The following PRR11 variants were observed in gnomAD, a reference collection of about 807,000 sequenced individuals.
PRR11 encodes proline rich 11.
A neutral mutation model predicts 45.6 loss-of-function variants in PRR11; 30 were observed. The ratio of observed to expected loss-of-function variants is 0.66; its 90% CI spans 0.49 to 0.89. PRR11 has a LOEUF of 0.89. Among genes scored for constraint, PRR11 ranks in the 40% least tolerant of loss-of-function variants. The pLI, the probability that PRR11 is intolerant of heterozygous loss-of-function variation, is 0.00. For synonymous variants in PRR11, 128 were observed against 153.5 expected, an observed-to-expected ratio of 0.83 and a Z score of 1.23; for missense variants, 373 against 424.8, an observed-to-expected ratio of 0.88 and a Z score of 1.07.
Position 59,195,382 on chromosome 17 carries a change from C to A in PRR11, c.796C>A (p.Gln266Lys). The A allele has an allele frequency of 6.2e-7, 1 of 1,614,002 alleles. No homozygotes were observed. Among genetic ancestry groups the A allele is most frequent in the South Asian group, 1.1e-5 (1 of 91,082 alleles). The change falls in exon 7 of 10, where the codon CAG becomes AAG. Residue 266 changes from glutamine to lysine, a missense_variant. Coordinates refer to ENST00000262293, the MANE Select transcript of PRR11 (RefSeq NM_018304.4). ...RNPLVTVSDLQHVTLKPNSKV... is the reference protein window; with the variant it reads ...RNPLVTVSDLKHVTLKPNSKV... Reference sequence around the variant, plus strand: ...TCCACTAGTTACCGTCTCTGACTTGCAGCATGTTACCCTGAAACCTAACTC... The same window carrying A: ...TCCACTAGTTACCGTCTCTGACTTGAAGCATGTTACCCTGAAACCTAACTC...
intron 2 of PRR11, among the ~76,000 whole-genome samples, chr17:59,173,638 C>T (rs2046724747): frequency 6.6e-6 from 1 of 152,238 alleles, no homozygotes; most frequent in South Asian, 2.1e-4. Flanking sequence ...TCAGAAGGAA[C>T]AAACTCCGGA....
intron 2 of PRR11, chr17:59,178,565 C>G: frequency 1.9e-6 from 1 of 526,246 alleles, no homozygotes; most frequent in African/African-American, 1.9e-5. Context: ...GCTTGAAAAG[C>G]AGGACAGGGT....
chr17:59,200,868 T>C (rs184649499), intron 9 of PRR11, among the ~76,000 whole-genome samples: 2 of 150,978 alleles, frequency 1.3e-5, no homozygotes, highest in African/African-American at 4.9e-5. Context: ...CAAGTGATCC[T>C]CTTGTCTCGG....
At chr17:59,166,093 T>C (rs1169688549) in intron 1 of PRR11, among the ~76,000 whole-genome samples, 3 of 152,210 alleles carry the variant, frequency 2.0e-5, no homozygotes, top group Admixed American at 6.5e-5. Context: ...CTGCAAATCA[T>C]GGAACCAAGC....
At chr17:59,171,920 AG>A in intron 2 of PRR11, among the ~76,000 whole-genome samples, 1 of 152,264 alleles carries the variant, frequency 6.6e-6, no homozygotes, top group South Asian at 2.1e-4. Flanking sequence ...TAGGATAAAA[AG>A]GATTCTCTGT....
At chr17:59,198,708 G>A (rs1348388746) in intron 9 of PRR11, among the ~76,000 whole-genome samples, 2 of 150,780 alleles carry the variant, frequency 1.3e-5, no homozygotes, top group Non-Finnish European at 3.0e-5. Context: ...ATGGTGACTC[G>A]TGCCTGTAAT....
chr17:59,194,568 T>G (rs527892184), intron 5 of PRR11, among the ~76,000 whole-genome samples, 189 bp from the exon 6 acceptor site: 1 of 152,202 alleles, frequency 6.6e-6, no homozygotes, highest in African/African-American at 2.4e-5. Flanking sequence ...AGCCTTACAT[T>G]TTGATGAATG....
At chr17:59,191,289 G>C (rs2046839933) in intron 4 of PRR11, among the ~76,000 whole-genome samples, 1 of 147,956 alleles carries the variant, frequency 6.8e-6, no homozygotes, top group Non-Finnish European at 1.5e-5. Flanking sequence ...CGCAATCTCA[G>C]CTCACTGCAG....
intron 1 of PRR11, among the ~76,000 whole-genome samples, chr17:59,166,703 T>C (rs2046681699): frequency 1.3e-5 from 2 of 152,164 alleles, no homozygotes; most frequent in Admixed American, 6.6e-5. Flanking sequence ...TGTTACATTC[T>C]TAAGTACAAA....
intron 2 of PRR11, among the ~76,000 whole-genome samples, chr17:59,183,578 G>T (rs1312917872): frequency 1.3e-5 from 2 of 152,224 alleles, no homozygotes; most frequent in South Asian, 4.1e-4. Flanking sequence ...GAGACATTTT[G>T]AGGCCTGAAA....
At chr17:59,200,283 G>A (rs2046886015) in intron 9 of PRR11, among the ~76,000 whole-genome samples, 1 of 152,118 alleles carries the variant, frequency 6.6e-6, no homozygotes, top group South Asian at 2.1e-4. Context: ...TCAGAAATCT[G>A]ACTATAGTGG....
intron 4 of PRR11, among the ~76,000 whole-genome samples, chr17:59,191,447 G>A (rs2034312466): frequency 6.6e-6 from 1 of 151,982 alleles, no homozygotes; most frequent in African/African-American, 2.4e-5. Context: ...TCAAACTCCT[G>A]ACCTCAGGTA....
chr17:59,174,812 A>G (rs759527050), intron 2 of PRR11, among the ~76,000 whole-genome samples: 10 of 152,012 alleles, frequency 6.6e-5, no homozygotes, highest in Non-Finnish European at 1.3e-4. Flanking sequence ...GCCCACACCC[A>G]GTGCTCTGGG....
chr17:59,189,614 A>T (rs2046831757), intron 4 of PRR11, among the ~76,000 whole-genome samples: 1 of 152,124 alleles, frequency 6.6e-6, no homozygotes, highest in African/African-American at 2.4e-5. Context: ...GATTCTAGAC[A>T]TGAGCCACCA....
Position 59,185,564 on chromosome 17 carries a change from T to C in PRR11, c.402+2T>C, listed in dbSNP as rs2147849726. 1 of 1,594,276 alleles carries C rather than the reference T, an allele frequency of 6.3e-7. No individual in the cohort carries two copies. Among genetic ancestry groups the C allele is most frequent in the East Asian group, 2.2e-5 (1 of 44,628 alleles). Reference sequence around the variant, plus strand: ...TGCAAGCTCCAGGAAGCACTGAAGGTTGGTATTGTCAAATAAAAAGCAAAT... The same window carrying C: ...TGCAAGCTCCAGGAAGCACTGAAGGCTGGTATTGTCAAATAAAAAGCAAAT... On this transcript the variant is annotated splice_donor_variant, in intron 4 of 9. Coordinates refer to ENST00000262293, the MANE Select transcript of PRR11 (RefSeq NM_018304.4). LOFTEE classifies it high-confidence loss of function.
intron 2 of PRR11, among the ~76,000 whole-genome samples, chr17:59,177,836 C>G (rs561090080): frequency 4.6e-5 from 7 of 152,254 alleles, no homozygotes; most frequent in Admixed American, 1.3e-4. Flanking sequence ...GGCAACATAG[C>G]AAGACTGTTT....
intron 2 of PRR11, among the ~76,000 whole-genome samples, chr17:59,184,012 G>A (rs1276093630): frequency 6.6e-6 from 1 of 152,168 alleles, no homozygotes; most frequent in Non-Finnish European, 1.5e-5. Flanking sequence ...TCATGCGACA[G>A]GAAGATCGCT....
chr17:59,169,406 A>G (rs915356372), intron 1 of PRR11, among the ~76,000 whole-genome samples: 3 of 152,104 alleles, frequency 2.0e-5, no homozygotes, highest in Non-Finnish European at 4.4e-5. Context: ...CCAACATATT[A>G]TTTTAATAAC....
chr17:59,172,442 G>A (rs894144471), intron 2 of PRR11, among the ~76,000 whole-genome samples: 10 of 152,248 alleles, frequency 6.6e-5, no homozygotes, highest in African/African-American at 1.7e-4. Flanking sequence ...GAGCCCTTCA[G>A]CCCGCCGCTG....
Sources: allele counts gnomAD v4.1 joint callset (sites outside exome capture counted in the v4.1 genomes callset), GRCh38; gene constraint gnomAD v4.1.1; transcripts MANE v1.5; gene names NCBI Gene and HGNC (gene_info 2026-07-23, HGNC 2026-07-21).